TRHDE: variants seen among roughly 807,000 people sequenced by gnomAD.
The protein encoded by TRHDE is thyrotropin-releasing hormone-degrading ectoenzyme.
Under a neutral mutation model 125.7 loss-of-function variants are expected in TRHDE, and 72 were observed. The observed-to-expected ratio is 0.57, with a 90% CI of 0.47 to 0.70. The LOEUF (loss-of-function observed/expected upper bound fraction) is 0.70, where lower values mean the gene tolerates loss of function less well. TRHDE is among the 30% of genes least tolerant of loss of function. TRHDE has a pLI of 0.00. For missense variants in TRHDE, 1,110 were observed against 1,327.1 expected (o/e 0.84, Z 2.54); for synonymous variants, 509 against 509.1 (o/e 1.00, Z 0.00).
At chr12:72,426,987 C>A (rs919794080) in intron 3 of TRHDE, among the ~76,000 whole-genome samples, 2 of 151,998 alleles carry the variant, frequency 1.3e-5, no homozygotes, top group Admixed American at 1.3e-4. Context: ...CCTCGGATGG[C>A]CCAGAACACT....
intron 15 of TRHDE, among the ~76,000 whole-genome samples, chr12:72,643,898 A>G (rs1483021844): frequency 6.6e-6 from 1 of 152,210 alleles, no homozygotes; most frequent in African/African-American, 2.4e-5. Context: ...AGTTACAGGT[A>G]ACATTTGTGT....
At chr12:72,629,752 G>T (rs541269842) in intron 15 of TRHDE, among the ~76,000 whole-genome samples, 22 of 151,538 alleles carry the variant, frequency 1.5e-4, no homozygotes, top group Non-Finnish European at 1.6e-4. Flanking sequence ...CCACTACAAA[G>T]AAGAGATTTC....
intron 3 of TRHDE, among the ~76,000 whole-genome samples, chr12:72,392,740 C>T (rs1264806366): frequency 6.6e-6 from 1 of 152,156 alleles, no homozygotes; most frequent in Non-Finnish European, 1.5e-5. Context: ...TACTTGGTAA[C>T]CCCTTTAGTT....
intron 2 of TRHDE, among the ~76,000 whole-genome samples, chr12:72,358,523 C>A (rs1248562369): frequency 6.6e-6 from 1 of 151,462 alleles, no homozygotes; most frequent in African/African-American, 2.4e-5. Context: ...CGACAGTAGG[C>A]TATTAGTAGT....
At chr12:72,296,852 G>C (rs1228643403) in intron 2 of TRHDE, among the ~76,000 whole-genome samples, 1 of 152,238 alleles carries the variant, frequency 6.6e-6, no homozygotes, top group African/African-American at 2.4e-5. Context: ...TGAAGAAATG[G>C]ATGTAGTGAT....
intron 2 of TRHDE, among the ~76,000 whole-genome samples, chr12:72,339,353 G>A (rs551131968): frequency 1.3e-5 from 2 of 152,152 alleles, no homozygotes; most frequent in South Asian, 2.1e-4. Context: ...TTATCTCAAC[G>A]AATGAAGTAT....
intron 3 of TRHDE, among the ~76,000 whole-genome samples, chr12:72,441,141 A>C (rs1874991051): frequency 6.6e-6 from 1 of 151,820 alleles, no homozygotes; most frequent in Admixed American, 6.6e-5. Flanking sequence ...AAAAAAAATC[A>C]ATGGATAAAT....
chr12:72,429,900 A>G (rs1874370772), intron 3 of TRHDE, among the ~76,000 whole-genome samples: 1 of 152,082 alleles, frequency 6.6e-6, no homozygotes, highest in Non-Finnish European at 1.5e-5. Flanking sequence ...TATTCTACAT[A>G]GAAGTCCCTT....
chr12:72,219,497 T>C (rs1242178743), intron 2 of TRHDE, among the ~76,000 whole-genome samples: 2 of 152,156 alleles, frequency 1.3e-5, no homozygotes, highest in African/African-American at 2.4e-5. Context: ...AGGATTCCAA[T>C]TGGCTCAGCC....
At chr12:72,180,822 G>T (rs1335046784) in intron 2 of TRHDE, among the ~76,000 whole-genome samples, 2 of 152,158 alleles carry the variant, frequency 1.3e-5, no homozygotes, top group Non-Finnish European at 2.9e-5. Context: ...CCATGTACCT[G>T]GCAGAGCCAC....
At chr12:72,493,729 T>C (rs1877784948) in intron 5 of TRHDE, among the ~76,000 whole-genome samples, 1 of 151,986 alleles carries the variant, frequency 6.6e-6, no homozygotes, top group African/African-American at 2.4e-5. Flanking sequence ...CACACAAAAC[T>C]CTGTAGTCCC....
chr12:72,657,122 C>A (rs538330885), intron 18 of TRHDE, 114 bp downstream of exon 18: 3 of 681,392 alleles, frequency 4.4e-6, no homozygotes, highest in African/African-American at 3.7e-5. Context: ...TACTTACACA[C>A]GCACACCACA....
At chr12:72,397,625 T>G (rs993513993) in intron 3 of TRHDE, among the ~76,000 whole-genome samples, 1 of 152,140 alleles carries the variant, frequency 6.6e-6, no homozygotes, top group Non-Finnish European at 1.5e-5. Context: ...TGCATCACTT[T>G]TATTTCCCTC....
At chr12:72,343,531 T>C (rs1261203764) in intron 2 of TRHDE, among the ~76,000 whole-genome samples, 1 of 152,114 alleles carries the variant, frequency 6.6e-6, no homozygotes, top group Non-Finnish European at 1.5e-5. Context: ...CACTCCACAT[T>C]TTCTTGTCCT....
intron 6 of TRHDE, among the ~76,000 whole-genome samples, chr12:72,517,075 T>C (rs1455013807): frequency 6.6e-6 from 1 of 151,892 alleles, no homozygotes; most frequent in Non-Finnish European, 1.5e-5. Flanking sequence ...TTGGCATCAA[T>C]GTTCATCAAG....
intron 2 of TRHDE, among the ~76,000 whole-genome samples, chr12:72,313,821 A>G (rs996339874): frequency 3.3e-5 from 5 of 152,220 alleles, no homozygotes; most frequent in African/African-American, 1.2e-4. Flanking sequence ...CCTCTGGGGA[A>G]GAGGGCAGAT....
intron 2 of TRHDE, among the ~76,000 whole-genome samples, chr12:72,219,220 A>G (rs1367747323): frequency 6.6e-6 from 1 of 151,950 alleles, no homozygotes; most frequent in Non-Finnish European, 1.5e-5. Flanking sequence ...CAAACTCCTA[A>G]ACTGATTTAT....
At chr12:72,597,697 A>G (rs1872006782) in intron 12 of TRHDE, among the ~76,000 whole-genome samples, 1 of 99,816 alleles carries the variant, frequency 1.0e-5, no homozygotes, top group African/African-American at 5.3e-5. Flanking sequence ...AGAGGTATAT[A>G]TATGTGTGTG....
chr12:72,138,085 A>G (rs1276209628), intron 2 of TRHDE, among the ~76,000 whole-genome samples: 1 of 152,188 alleles, frequency 6.6e-6, no homozygotes, highest in Admixed American at 6.5e-5. Flanking sequence ...GGCATTTAAA[A>G]ACAAAAACAG....
Sources: gnomAD v4.1 joint callset for allele counts (sites outside exome capture counted in the v4.1 genomes callset) on GRCh38, gnomAD v4.1.1 for gene constraint, MANE v1.5 for transcripts, NCBI Gene and HGNC (gene_info 2026-07-23, HGNC 2026-07-21) for gene names.